Variants in FAM174A observed in about 807,000 individuals in gnomAD.
The protein encoded by FAM174A is family with sequence similarity 174 member A, also known as membrane protein FAM174A.
In FAM174A, 14 loss-of-function variants were observed where a neutral mutation model predicts 14.3. That is an observed-to-expected ratio of 0.98 (90% confidence interval 0.65 to 1.53). The LOEUF (loss-of-function observed/expected upper bound fraction) is 1.53. Among genes scored for constraint, FAM174A ranks in the 40% most tolerant of loss-of-function variants. FAM174A has a pLI of 0.00. For missense variants in FAM174A, 241 were observed against 249.6 expected (o/e 0.97, Z 0.23); for synonymous variants, 108 against 111.4 (o/e 0.97, Z 0.19).
intron 2 of FAM174A, among the ~76,000 whole-genome samples, chr5:100,580,229 G>A (rs2112404699): frequency 6.6e-6 from 1 of 152,128 alleles, no homozygotes; most frequent in Admixed American, 6.6e-5. Flanking sequence ...TCAATTGAAA[G>A]ATGCATCTGA....
At chr5:100,544,165 A>C (rs1746120576) in intron 1 of FAM174A, among the ~76,000 whole-genome samples, 1 of 152,180 alleles carries the variant, frequency 6.6e-6, no homozygotes, top group Non-Finnish European at 1.5e-5. Flanking sequence ...GGTTGAGACC[A>C]GCCTGGGCAA....
In FAM174A at chr5:100,566,161, T is replaced by TATATATATATATAC. The variant is rs1746646303; in HGVS notation, c.569+3983_569+3984insATACATATATATAT. ...AGTATGATATATATATATATATATA[T>TATATATATATATAC]ATATATATATGTACATATAATATAT... On this transcript the variant is annotated intron_variant, in intron 2 of 2. Transcript: ENST00000312637. Among the ~76,000 whole-genome samples the TATATATATATATAC allele has an allele frequency of 1.5e-5, 2 of 137,532 alleles. 1 individual carries two copies. The highest frequency in any genetic ancestry group is 4.5e-4 in the South Asian group (2 of 4,418). 90.2% of individuals were successfully genotyped at this position (137,532 alleles called of 152,430 possible). A position where few individuals can be genotyped will look rare whatever the true frequency, so the allele number is the denominator to read the frequency against.
intron 1 of FAM174A, among the ~76,000 whole-genome samples, chr5:100,543,430 T>C (rs1477794521): frequency 6.6e-6 from 1 of 152,204 alleles, no homozygotes; most frequent in African/African-American, 2.4e-5. Context: ...TAGCCACATT[T>C]TGAGGGCTAA....
intron 2 of FAM174A, among the ~76,000 whole-genome samples, chr5:100,584,325 A>G (rs1747079653): frequency 6.6e-6 from 1 of 152,102 alleles, no homozygotes; most frequent in Non-Finnish European, 1.5e-5. Context: ...TTCCGTATTA[A>G]TAAGTGTCAT....
At chr5:100,560,526 T>C (rs1746502131) in intron 1 of FAM174A, among the ~76,000 whole-genome samples, 1 of 152,018 alleles carries the variant, frequency 6.6e-6, no homozygotes, top group Non-Finnish European at 1.5e-5. Context: ...CTGGTGGAAA[T>C]TTTCTTTGTT....
At chr5:100,552,841 A>G (rs1005769010) in intron 1 of FAM174A, among the ~76,000 whole-genome samples, 5 of 152,128 alleles carry the variant, frequency 3.3e-5, no homozygotes, top group African/African-American at 9.6e-5. Flanking sequence ...GCATCTGACC[A>G]GGATCATTTA....
chr5:100,538,857 A>G (rs1046679092), intron 1 of FAM174A, among the ~76,000 whole-genome samples: 2 of 152,000 alleles, frequency 1.3e-5, no homozygotes, highest in Admixed American at 6.6e-5. Flanking sequence ...AGTAAAATGT[A>G]TAAGGCCAGG....
intron 1 of FAM174A, among the ~76,000 whole-genome samples, chr5:100,553,986 A>T (rs571048280): frequency 6.6e-6 from 1 of 152,192 alleles, no homozygotes; most frequent in East Asian, 1.9e-4. Flanking sequence ...CTTGTGACTA[A>T]CAATGACAGG....
chr5:100,542,620 T>C (rs1470481953), intron 1 of FAM174A, among the ~76,000 whole-genome samples: 4 of 152,204 alleles, frequency 2.6e-5, no homozygotes, highest in Non-Finnish European at 4.4e-5. Flanking sequence ...GATGTAAATC[T>C]ATCATACTAT....
Position 100,535,747 on chromosome 5 carries a change from G to C in FAM174A, c.217G>C (p.Ala73Pro). The change falls in exon 1 of 3, where the codon GCT (alanine) becomes CCT (proline). Residue 73 changes from alanine to proline, a missense_variant. Coordinates refer to ENST00000312637, the MANE Select transcript of FAM174A (RefSeq NM_198507.3). ...GCAGCCGGGCCGTGGTCTGGCTGAAGCTGCGGGGCCGCGGGGCTCCGAGGG... is the reference window on the plus strand; with the variant it reads ...GCAGCCGGGCCGTGGTCTGGCTGAACCTGCGGGGCCGCGGGGCTCCGAGGG... The part of the protein sequence containing the change: ...AQQPGRGLAE[A>P]AGPRGSEGGN... 6.2e-7 allele frequency: 1 copy of C among 1,604,746 alleles called. No homozygotes were observed. The highest frequency in any genetic ancestry group is 8.5e-7 in the Non-Finnish European group (1 of 1,177,746).
At position 100,555,888 on chromosome 5, in the gene FAM174A, A is replaced by C. The variant is rs7731549; in HGVS notation, c.435-6166A>C. On this transcript the variant is annotated intron_variant, in intron 1 of 2. Transcript: ENST00000312637. ...TTGCAAAAATTTTCTCCCATTCTATAGGTTGCCTGTTCACTCTGATGGTAG... is the reference window on the plus strand; with the variant it reads ...TTGCAAAAATTTTCTCCCATTCTATCGGTTGCCTGTTCACTCTGATGGTAG... Among the ~76,000 whole-genome samples, 1,253 of 152,154 alleles carry C rather than the reference A, an allele frequency of 8.2e-3. 13 individuals carry two copies. The highest frequency in any genetic ancestry group is 0.029 in the African/African-American group (1,193 of 41,512).
At chr5:100,573,607 T>G (rs916149416) in intron 2 of FAM174A, among the ~76,000 whole-genome samples, 1 of 151,500 alleles carries the variant, frequency 6.6e-6, no homozygotes, top group Non-Finnish European at 1.5e-5. Context: ...CATTCCATGC[T>G]CAAGGGTAGG....
intron 1 of FAM174A, among the ~76,000 whole-genome samples, chr5:100,551,065 G>A (rs182042491): frequency 1.3e-4 from 20 of 152,266 alleles, no homozygotes; most frequent in African/African-American, 4.1e-4. Flanking sequence ...ATGGATAGCC[G>A]GAGTAGGCAG....
At chr5:100,584,246 C>G (rs73164290) in intron 2 of FAM174A, among the ~76,000 whole-genome samples, 3,184 of 152,278 alleles carry the variant, frequency 0.021, 102 homozygotes, top group African/African-American at 0.071. Context: ...ATGAGAAACT[C>G]TACTGCATTT....
intron 1 of FAM174A, among the ~76,000 whole-genome samples, chr5:100,561,403 T>C (rs1283350184): frequency 6.6e-6 from 1 of 151,954 alleles, no homozygotes; most frequent in African/African-American, 2.4e-5. Flanking sequence ...CCTAGGTGAC[T>C]GTGATTCTGC....
intron 1 of FAM174A, among the ~76,000 whole-genome samples, chr5:100,538,515 A>G (rs1745984209): frequency 6.6e-6 from 1 of 151,998 alleles, no homozygotes; most frequent in African/African-American, 2.4e-5. Context: ...AAACATATAT[A>G]TATATATGTA....
chr5:100,582,746 T>G (rs905181000), intron 2 of FAM174A, among the ~76,000 whole-genome samples: 2 of 152,196 alleles, frequency 1.3e-5, no homozygotes, highest in East Asian at 3.8e-4. Context: ...TATTATAAAT[T>G]TCCAAAGCAT....
intron 2 of FAM174A, among the ~76,000 whole-genome samples, chr5:100,577,642 A>G (rs1443783415): frequency 6.6e-6 from 1 of 152,138 alleles, no homozygotes; most frequent in Non-Finnish European, 1.5e-5. Context: ...GGTATAACAT[A>G]GTATCAGAAT....
intron 1 of FAM174A, among the ~76,000 whole-genome samples, chr5:100,551,015 A>T (rs544849806): frequency 6.6e-6 from 1 of 152,314 alleles, no homozygotes; most frequent in East Asian, 1.9e-4. Context: ...GTTGAGTAAT[A>T]GGAAACCATT....
Sources: allele counts gnomAD v4.1 joint callset (sites outside exome capture counted in the v4.1 genomes callset), GRCh38; gene constraint gnomAD v4.1.1; transcripts MANE v1.5; gene names NCBI Gene and HGNC (gene_info 2026-07-23, HGNC 2026-07-21).